Variants in ERBB4 observed in about 807,000 individuals in gnomAD.
The protein encoded by ERBB4 is erb-b2 receptor tyrosine kinase 4, also known as receptor tyrosine-protein kinase erbB-4.
Under a neutral mutation model 158.0 loss-of-function variants are expected in ERBB4, and 42 were observed. The observed-to-expected ratio is 0.27, with a 90% CI of 0.21 to 0.34. The LOEUF (loss-of-function observed/expected upper bound fraction) is 0.34, where lower values mean the gene tolerates loss of function less well. Among genes scored for constraint, ERBB4 ranks in the 10% least tolerant of loss-of-function variants. The pLI is 1.00. For synonymous variants in ERBB4, 583 were observed against 558.7 expected (o/e 1.04, Z -0.61); for missense variants, 1,333 against 1,624.1 (o/e 0.82, Z 3.08).
intron 1 of ERBB4, among the ~76,000 whole-genome samples, chr2:212,149,459 T>G (rs557401022): frequency 6.6e-6 from 1 of 152,198 alleles, no homozygotes; most frequent in Non-Finnish European, 1.5e-5. Context: ...AAACAACTTA[T>G]GAAATCGGAT....
At chr2:211,810,920 C>T (rs549054769) in intron 3 of ERBB4, among the ~76,000 whole-genome samples, 31 of 151,856 alleles carry the variant, frequency 2.0e-4, no homozygotes, top group African/African-American at 5.1e-4. Context: ...ATGATCCACC[C>T]GCCTCGGCCT....
Position 212,362,341 on chromosome 2 carries a change from C to T in ERBB4, c.82+176108G>A, listed in dbSNP as rs114254282. 8.1e-3 allele frequency among the ~76,000 whole-genome samples: 1,231 copies of T among 151,438 alleles called. 18 individuals are homozygous for T. The highest frequency in any genetic ancestry group is 0.029 in the African/African-American group (1,188 of 41,424). ...AATTTTAAAGAAAACACAAATAGGG[C>T]TTACAATACATGCTTTTAGGTTATC... On this transcript the variant is annotated intron_variant, in intron 1 of 27. Transcript: ENST00000342788.
At chr2:211,471,617 G>A (rs2064829500) in intron 20 of ERBB4, among the ~76,000 whole-genome samples, 2 of 152,128 alleles carry the variant, frequency 1.3e-5, no homozygotes, top group South Asian at 4.1e-4. Flanking sequence ...GGGATTTGAT[G>A]TCAAGTGTGG....
chr2:211,641,341 C>A (rs1419764259), intron 16 of ERBB4, among the ~76,000 whole-genome samples: 2 of 151,772 alleles, frequency 1.3e-5, no homozygotes, highest in East Asian at 1.9e-4. Flanking sequence ...AAGATAAATT[C>A]TACTGTTCCA....
intron 12 of ERBB4, among the ~76,000 whole-genome samples, chr2:211,697,862 C>T (rs1459526429): frequency 6.6e-6 from 1 of 152,050 alleles, no homozygotes; most frequent in Non-Finnish European, 1.5e-5. Context: ...CACAGAAATT[C>T]CACATCTAAG....
At chr2:211,517,932 T>C (rs1361780079) in intron 20 of ERBB4, among the ~76,000 whole-genome samples, 1 of 152,138 alleles carries the variant, frequency 6.6e-6, no homozygotes, top group Non-Finnish European at 1.5e-5. Flanking sequence ...CTTCTCAAAA[T>C]AGTTTTCCAT....
At chr2:212,103,339 A>G (rs1331575656) in intron 2 of ERBB4, among the ~76,000 whole-genome samples, 1 of 152,136 alleles carries the variant, frequency 6.6e-6, no homozygotes, top group Non-Finnish European at 1.5e-5. Context: ...AGTTGCATTT[A>G]TAATTTAAAA....
rs941638060 is a variant in ERBB4, at chr2:211,382,530, G to C, written c.*1085C>G. 3 of 232,816 alleles carry C rather than the reference G, an allele frequency of 1.3e-5. No homozygotes were observed. Among genetic ancestry groups the C allele is most frequent in the Non-Finnish European group, 2.6e-5 (3 of 117,576 alleles). The allele number at this position is 232,816 out of a possible 1,614,324, so 14.4% of individuals were successfully genotyped here. ...AAGAACAAATAAAATTACAGCTTAA[G>C]TGCAAACTACATTTCTGAGTATCTG... On this transcript the variant is annotated 3_prime_UTR_variant, in exon 28 of 28. Coordinates refer to ENST00000342788, the MANE Select transcript of ERBB4 (RefSeq NM_005235.3).
chr2:211,861,927 A>G (rs531463746), intron 3 of ERBB4, among the ~76,000 whole-genome samples: 2 of 147,434 alleles, frequency 1.4e-5, no homozygotes, highest in South Asian at 4.5e-4. Context: ...ATCTTTTAAA[A>G]AATTTTAAAG....
intron 3 of ERBB4, among the ~76,000 whole-genome samples, chr2:211,846,276 T>C: frequency 6.7e-6 from 1 of 150,358 alleles, no homozygotes; most frequent in Admixed American, 6.6e-5. Context: ...CTCCAGACAC[T>C]TTTTTTCATA....
intron 1 of ERBB4, among the ~76,000 whole-genome samples, chr2:212,413,372 G>A (rs1004837786): frequency 2.0e-5 from 3 of 151,848 alleles, no homozygotes; most frequent in Non-Finnish European, 4.4e-5. Flanking sequence ...TTTCAAATCA[G>A]TGAAAAAGCT....
At chr2:212,493,834 T>C (rs1690416302) in intron 1 of ERBB4, among the ~76,000 whole-genome samples, 1 of 151,818 alleles carries the variant, frequency 6.6e-6, no homozygotes, top group Non-Finnish European at 1.5e-5. Flanking sequence ...GATTACTCTC[T>C]TCAGTCTGAA....
Position 211,377,824 on chromosome 2 carries a change from G to A in ERBB4, c.*5791C>T, listed in dbSNP as rs2062501924. ...ATGTGAGTTTCAAGATTCATCACAGGGCTAACTCGTCTCAAATTCCTATAG... is the reference window on the plus strand; with the variant it reads ...ATGTGAGTTTCAAGATTCATCACAGAGCTAACTCGTCTCAAATTCCTATAG... On this transcript the variant is annotated 3_prime_UTR_variant, in exon 28 of 28. Transcript: ENST00000342788. 4.3e-6 allele frequency: 1 copy of A among 232,562 alleles called. No homozygotes were observed. The highest frequency in any genetic ancestry group is 2.2e-5 in the African/African-American group (1 of 45,282). 14.4% of individuals were successfully genotyped at this position (232,562 alleles called of 1,614,324 possible).
chr2:212,274,641 C>T (rs75119611), intron 1 of ERBB4, among the ~76,000 whole-genome samples: 1 of 151,696 alleles, frequency 6.6e-6, no homozygotes, highest in East Asian at 1.9e-4. Context: ...GTATGGTCTG[C>T]AAGTGTTACT....
At chr2:211,662,378 C>T (rs1253748914) in intron 15 of ERBB4, among the ~76,000 whole-genome samples, 1 of 152,086 alleles carries the variant, frequency 6.6e-6, no homozygotes. Flanking sequence ...GAACATCATT[C>T]CTAAGTTTTA....
rs771501063 is a variant in ERBB4, at chr2:211,712,157, T to C, written c.1017A>G (p.Thr339=). The stretch of plus-strand genomic sequence containing the variant: ...CAGTCTGAGCTGACATCAATGATCC[T>C]GTGCCAATGCCATCACAAGCTGTAG... ...ICPKACDGIG[T]GSLMSAQTVD... is the part of the protein sequence containing the mutation. The change falls in exon 9 of 28, where the codon ACA becomes ACG. Residue 339 remains threonine (T), a synonymous_variant. Coordinates refer to ENST00000342788, the MANE Select transcript of ERBB4 (RefSeq NM_005235.3). 1.2e-6 allele frequency: 2 copies of C among 1,613,490 alleles called. No homozygotes were observed. The highest frequency in any genetic ancestry group is 1.7e-6 in the Non-Finnish European group (2 of 1,179,476).
At chr2:212,056,454 G>A (rs1311333205) in intron 2 of ERBB4, among the ~76,000 whole-genome samples, 1 of 152,086 alleles carries the variant, frequency 6.6e-6, no homozygotes, top group African/African-American at 2.4e-5. Context: ...CTCGAGAAGA[G>A]CAGCTCCAAG....
At chr2:212,014,695 TA>T (rs1226726173) in intron 2 of ERBB4, among the ~76,000 whole-genome samples, 1 of 152,106 alleles carries the variant, frequency 6.6e-6, no homozygotes, top group African/African-American at 2.4e-5. Context: ...TCTCACTAAA[TA>T]AATCCCATTA....
At position 211,542,430 on chromosome 2, in the gene ERBB4, C is replaced by T. The variant is rs117890113; in HGVS notation, c.2487+19473G>A. Among the ~76,000 whole-genome samples, 4 of 152,016 alleles carry T rather than the reference C, an allele frequency of 2.6e-5. No individual in the cohort carries two copies. The East Asian group carries it at 5.8e-4, about 22-fold the overall frequency. ...CTTTTCCATCCCCCTCTGCTTTCCC[C>T]GTTAGTTAGTCTGACTGCATCCAAA... On this transcript the variant is annotated intron_variant, in intron 20 of 27. Coordinates refer to ENST00000342788, the MANE Select transcript of ERBB4 (RefSeq NM_005235.3).
Sources: allele counts gnomAD v4.1 joint callset (sites outside exome capture counted in the v4.1 genomes callset), GRCh38; gene constraint gnomAD v4.1.1; transcripts MANE v1.5; gene names NCBI Gene and HGNC (gene_info 2026-07-23, HGNC 2026-07-21).